The following TOGARAM2 variants were observed in gnomAD, a reference collection of about 807,000 sequenced individuals.
The protein encoded by TOGARAM2 is TOG array regulator of axonemal microtubules protein 2.
TOGARAM2 carries 85 observed loss-of-function variants against 93.3 expected under a neutral mutation model. The observed-to-expected ratio is 0.91, with a 90% CI of 0.76 to 1.09. The LOEUF (loss-of-function observed/expected upper bound fraction) is 1.09, where lower values mean the gene tolerates loss of function less well. Among genes scored for constraint, TOGARAM2 ranks in the 50% least tolerant of loss-of-function variants. The probability of loss-of-function intolerance (pLI) is 0.00; values close to 1 mark genes in which losing one functional copy is unlikely to be tolerated. For missense variants in TOGARAM2, 1,277 were observed against 1,334.5 expected (o/e 0.96, Z 0.67); for synonymous variants, 593 against 552.8 (o/e 1.07, Z -1.02).
At position 29,011,488 on chromosome 2, in the gene TOGARAM2, C is replaced by G; in HGVS notation, c.864C>G (p.Thr288=). 1 of 1,606,006 alleles carries G rather than the reference C, an allele frequency of 6.2e-7. No homozygotes were observed. Among genetic ancestry groups the G allele is most frequent in the Non-Finnish European group, 8.5e-7 (1 of 1,177,156 alleles). Residue 288 remains threonine (T), a synonymous_variant, in exon 7 of 20, where the codon ACC becomes ACG. Transcript: ENST00000379558. ...LARGSGPREK[T]PASLEPKPLA... ...GGGGGAGTGGGCCTCGGGAGAAGAC[C>G]CCTGCATCTCTGGGTACGTATCTTC...
intron 13 of TOGARAM2, among the ~76,000 whole-genome samples, chr2:29,025,510 G>A (rs1665296209): frequency 6.6e-6 from 1 of 152,200 alleles, no homozygotes; most frequent in Non-Finnish European, 1.5e-5. Flanking sequence ...GGCATGGAGG[G>A]ACAGGCAATT....
Position 29,003,497 on chromosome 2 carries a change from G to T in TOGARAM2, c.645G>T (p.Gln215His). The T allele has an allele frequency of 1.3e-6, 2 of 1,533,204 alleles. No homozygotes were observed. The highest frequency in any genetic ancestry group is 2.5e-5 in the South Asian group (2 of 80,194). The allele number at this position is 1,533,204 out of a possible 1,614,324, so 95.0% of individuals were successfully genotyped here. The change falls in exon 6 of 20, where the codon CAG becomes CAT. Residue 215 changes from glutamine to histidine, a missense_variant. Physicochemically the swap from Gln to His is conservative, Grantham distance 24. Transcript: ENST00000379558. Reference protein sequence around the residue: ...HELRPGAQEAQISWQYLHCND... With the variant: ...HELRPGAQEAHISWQYLHCND... ...TGTCCCGCCTCTGCTCCCAGGCGCA[G>T]ATCTCCTGGCAATACCTGCACTGCA...
intron 6 of TOGARAM2, among the ~76,000 whole-genome samples, chr2:29,007,832 C>G (rs1488402541): frequency 6.6e-6 from 1 of 151,998 alleles, no homozygotes; most frequent in East Asian, 1.9e-4. Flanking sequence ...CCCTCCAGAC[C>G]CTGAGGACCT....
At chr2:29,042,214 C>T (rs1666476238) in intron 18 of TOGARAM2, among the ~76,000 whole-genome samples, 1 of 152,208 alleles carries the variant, frequency 6.6e-6, no homozygotes, top group Admixed American at 6.5e-5. Flanking sequence ...AAAGACAGGC[C>T]AAATGCCTGG....
intron 14 of TOGARAM2, among the ~76,000 whole-genome samples, chr2:29,030,269 C>A (rs1665686941): frequency 6.6e-6 from 1 of 152,034 alleles, no homozygotes; most frequent in African/African-American, 2.4e-5. Context: ...GGGTGAGACC[C>A]TGTCTCAAAA....
intron 16 of TOGARAM2, 127 bp from the exon 17 acceptor site, chr2:29,035,337 G>T: frequency 3.7e-6 from 3 of 818,890 alleles, no homozygotes; most frequent in Non-Finnish European, 3.3e-6. Context: ...AGCTGGGGGT[G>T]GACTAACCTG....
intron 15 of TOGARAM2, 126 bp downstream of exon 15, chr2:29,033,177 A>G (rs1321071939): frequency 1.6e-5 from 12 of 761,052 alleles, no homozygotes; most frequent in South Asian, 1.6e-4. Context: ...TTCATCCACT[A>G]CTCCTGATAG....
intron 1 of TOGARAM2, among the ~76,000 whole-genome samples, chr2:28,987,098 C>T (rs893620153): frequency 2.6e-5 from 4 of 152,222 alleles, no homozygotes; most frequent in Non-Finnish European, 4.4e-5. Context: ...TACTTAACCT[C>T]TCTGAACCTC....
intron 19 of TOGARAM2, 31 bp downstream of exon 19, chr2:29,045,441 C>G (rs1666687597): frequency 2.1e-6 from 3 of 1,463,100 alleles, no homozygotes; most frequent in Non-Finnish European, 2.8e-6. Context: ...CCCACCCCAT[C>G]TCCTGGCAGA....
chr2:29,033,056 G>A lies in TOGARAM2; in HGVS notation c.2130+5G>A, dbSNP rs762684891. ...ATGGCGGCCATTAAACAGCAGGTGAGCTGTGGGGCATAAGTGGGTCATGGC... is the reference window on the plus strand; with the variant it reads ...ATGGCGGCCATTAAACAGCAGGTGAACTGTGGGGCATAAGTGGGTCATGGC... On this transcript the variant is annotated splice_donor_5th_base_variant and intron_variant, in intron 15 of 19. Transcript: ENST00000379558. The A allele has an allele frequency of 6.2e-7, 1 of 1,611,550 alleles. No individual in the cohort carries two copies. Among genetic ancestry groups the A allele is most frequent in the Non-Finnish European group, 8.5e-7 (1 of 1,178,588 alleles).
rs541890653 is a variant in TOGARAM2 at position 29,003,630 on chromosome 2, C to A, written c.778C>A (p.Pro260Thr). The A allele has an allele frequency of 9.4e-6, 15 of 1,593,560 alleles. No homozygotes were observed. The East Asian group carries it at 2.6e-4, about 27-fold the overall frequency. ...PSRVPGSLPS[P>T]LPPGQGVLTG... ...CCGTGTGCCTGGCTCCCTTCCCAGC[C>A]CGTTACCTCCAGGCCAGGGAGTCCT... The change falls in exon 6 of 20, where the codon CCG becomes ACG. Residue 260 changes from proline to threonine, a missense_variant. Coordinates refer to ENST00000379558, the MANE Select transcript of TOGARAM2 (RefSeq NM_199280.4).
At chr2:29,036,411 G>A in intron 17 of TOGARAM2, 130 bp from the exon 18 acceptor site, 1 of 751,152 alleles carries the variant, frequency 1.3e-6, no homozygotes. Flanking sequence ...CTGTGGCATA[G>A]GTCAGGGACG....
At chr2:29,050,868 C>T (rs1207079169) in intron 19 of TOGARAM2, 1 of 152,352 alleles carries the variant, frequency 6.6e-6, no homozygotes, top group Non-Finnish European at 1.5e-5. Flanking sequence ...GGCCACAGCC[C>T]TGGCATTTAC....
At chr2:28,997,262 A>G (rs1397730937) in intron 2 of TOGARAM2, among the ~76,000 whole-genome samples, 1 of 152,248 alleles carries the variant, frequency 6.6e-6, no homozygotes, top group African/African-American at 2.4e-5. Flanking sequence ...ACAAAAACAG[A>G]GAATCTGCTT....
chr2:29,023,726 A>G (rs1665131354), intron 12 of TOGARAM2, among the ~76,000 whole-genome samples: 2 of 152,140 alleles, frequency 1.3e-5, no homozygotes, highest in African/African-American at 4.8e-5. Flanking sequence ...GCCTTCCTGC[A>G]TGTGGCCTGG....
chr2:28,976,268 G>A (rs1324348822), intron 1 of TOGARAM2, among the ~76,000 whole-genome samples: 1 of 152,188 alleles, frequency 6.6e-6, no homozygotes, highest in African/African-American at 2.4e-5. Flanking sequence ...CTACTCAGGA[G>A]GCTGAGGCAG....
At chr2:28,992,699 G>A (rs1451143034) in intron 1 of TOGARAM2, among the ~76,000 whole-genome samples, 3 of 152,268 alleles carry the variant, frequency 2.0e-5, no homozygotes, top group East Asian at 1.9e-4. Context: ...AAATAGGGCC[G>A]AGATCTTATT....
Position 29,003,553 on chromosome 2 carries a change from C to A in TOGARAM2, c.701C>A (p.Ala234Asp). The A allele has an allele frequency of 6.3e-7, 1 of 1,594,216 alleles. No homozygotes were observed. ...GAGAAGATGCAGAAGTCCCTGGGCG[C>A]CATCGTGATCCCACCCATCCCAAAG... ...NDEKMQKSLG[A>D]IVIPPIPKAR... The change falls in exon 6 of 20, where the codon GCC becomes GAC. Residue 234 changes from alanine (A) to aspartate (D), a missense_variant. By Grantham distance (126) the Ala-to-Asp change is moderately radical. Transcript: ENST00000379558.
At chr2:29,043,169 A>G (rs1427449015) in intron 18 of TOGARAM2, among the ~76,000 whole-genome samples, 1 of 152,180 alleles carries the variant, frequency 6.6e-6, no homozygotes, top group Non-Finnish European at 1.5e-5. Context: ...TTACCAATGC[A>G]CCCCGAGACC....
Sources: allele counts gnomAD v4.1 joint callset (sites outside exome capture counted in the v4.1 genomes callset), GRCh38; gene constraint gnomAD v4.1.1; transcripts MANE v1.5; gene names NCBI Gene and HGNC (gene_info 2026-07-23, HGNC 2026-07-21).